Variants in MACROD2 observed in about 807,000 individuals in gnomAD.
MACROD2 encodes the protein mono-ADP ribosylhydrolase 2.
In MACROD2, 36 loss-of-function variants were observed where a neutral mutation model predicts 70.4. The observed-to-expected ratio is 0.51, with a 90% CI of 0.39 to 0.68. The LOEUF is 0.68. MACROD2 is among the 30% of genes least tolerant of loss of function. The probability of loss-of-function intolerance (pLI) is 0.00; values close to 1 mark genes in which losing one functional copy is unlikely to be tolerated. For missense variants in MACROD2, 496 were observed against 538.4 expected, an observed-to-expected ratio of 0.92 and a Z score of 0.78; for synonymous variants, 172 against 178.8, an observed-to-expected ratio of 0.96 and a Z score of 0.30.
intron 6 of MACROD2, among the ~76,000 whole-genome samples, chr20:15,290,547 A>G (rs1409546819): frequency 6.6e-6 from 1 of 152,204 alleles, no homozygotes; most frequent in Non-Finnish European, 1.5e-5. Context: ...ACTCAGGATT[A>G]TGGATCCATA....
chr20:15,039,432 C>T (rs1348674728), intron 5 of MACROD2, among the ~76,000 whole-genome samples: 1 of 152,078 alleles, frequency 6.6e-6, no homozygotes, highest in Non-Finnish European at 1.5e-5. Context: ...TTCTATGACA[C>T]ACCTTGGTGG....
At chr20:14,599,764 A>G (rs1021606513) in intron 4 of MACROD2, among the ~76,000 whole-genome samples, 1 of 152,132 alleles carries the variant, frequency 6.6e-6, no homozygotes, top group Non-Finnish European at 1.5e-5. Context: ...GACAGAAGTA[A>G]TGGGAAGGTG....
chr20:14,856,668 A>G (rs2073258487), intron 5 of MACROD2, among the ~76,000 whole-genome samples: 1 of 152,166 alleles, frequency 6.6e-6, no homozygotes, highest in Admixed American at 6.5e-5. Flanking sequence ...GTGAAAATAC[A>G]GATTCAGATT....
intron 3 of MACROD2, among the ~76,000 whole-genome samples, chr20:14,360,194 A>G (rs1036677643): frequency 7.2e-5 from 11 of 152,102 alleles, no homozygotes; most frequent in East Asian, 5.8e-4. Flanking sequence ...CAAGAGATCT[A>G]TTGTACTGTG....
chr20:14,085,770 ATTATTT>A, intron 3 of MACROD2, 42 bp downstream of exon 3: 1 of 1,157,918 alleles, frequency 8.6e-7, no homozygotes, highest in Non-Finnish European at 1.2e-6. Context: ...TTATGTAAGT[ATTATTT>A]CAAAATTTTT....
At chr20:15,428,507 G>A (rs1429049648) in intron 6 of MACROD2, among the ~76,000 whole-genome samples, 1 of 152,136 alleles carries the variant, frequency 6.6e-6, no homozygotes, top group Non-Finnish European at 1.5e-5. Context: ...TAGAAGAAAA[G>A]TGTCATTCTT....
intron 5 of MACROD2, among the ~76,000 whole-genome samples, chr20:14,925,654 C>G (rs1484870633): frequency 6.6e-6 from 1 of 152,188 alleles, no homozygotes; most frequent in Non-Finnish European, 1.5e-5. Context: ...AAACCTTGGT[C>G]ATTCAGATAT....
At chr20:14,984,989 C>A (rs2074835645) in intron 5 of MACROD2, among the ~76,000 whole-genome samples, 1 of 152,158 alleles carries the variant, frequency 6.6e-6, no homozygotes, top group Non-Finnish European at 1.5e-5. Flanking sequence ...TAGCAAGTCA[C>A]CTTTAAATGA....
intron 3 of MACROD2, among the ~76,000 whole-genome samples, chr20:14,435,179 C>T (rs959374686): frequency 3.3e-5 from 5 of 152,238 alleles, no homozygotes; most frequent in Admixed American, 1.3e-4. Flanking sequence ...TGGTGGCTTT[C>T]GGAATTCCTT....
intron 3 of MACROD2, among the ~76,000 whole-genome samples, chr20:14,236,110 T>G (rs1601385035): frequency 6.6e-6 from 1 of 152,258 alleles, no homozygotes; most frequent in South Asian, 2.1e-4. Context: ...ATATTATATG[T>G]TTTTTTAAAT....
chr20:15,248,108 G>T (rs1025767189), intron 6 of MACROD2, among the ~76,000 whole-genome samples: 9 of 152,166 alleles, frequency 5.9e-5, no homozygotes, highest in Admixed American at 5.2e-4. Context: ...CTCCTCTCTT[G>T]TTTAAATGTG....
intron 6 of MACROD2, among the ~76,000 whole-genome samples, chr20:15,329,655 G>A (rs376869980): frequency 6.6e-6 from 1 of 152,012 alleles, no homozygotes; most frequent in Admixed American, 6.6e-5. Flanking sequence ...ATCTTGAAGT[G>A]AATTCACAAA....
chr20:14,974,509 C>T (rs1296214401), intron 5 of MACROD2, among the ~76,000 whole-genome samples: 1 of 152,058 alleles, frequency 6.6e-6, no homozygotes, highest in Non-Finnish European at 1.5e-5. Context: ...AAGGATAGTG[C>T]AGTATCCTAG....
At chr20:14,826,353 A>C (rs568026181) in intron 5 of MACROD2, among the ~76,000 whole-genome samples, 1 of 152,116 alleles carries the variant, frequency 6.6e-6, no homozygotes, top group African/African-American at 2.4e-5. Flanking sequence ...TCCTCATTGT[A>C]TATCAGGCTA....
chr20:14,009,303 T>G (rs2052864780), intron 2 of MACROD2, among the ~76,000 whole-genome samples: 1 of 152,142 alleles, frequency 6.6e-6, no homozygotes, highest in African/African-American at 2.4e-5. Context: ...ACAAAGGACA[T>G]GAACAGGCAC....
chr20:15,600,848 A>G (rs975683625), intron 8 of MACROD2, among the ~76,000 whole-genome samples: 1 of 152,204 alleles, frequency 6.6e-6, no homozygotes, highest in African/African-American at 2.4e-5. Context: ...TATATATATT[A>G]TTGCTAGAAA....
chr20:14,197,332 G>A (rs1051795168), intron 3 of MACROD2, among the ~76,000 whole-genome samples: 1 of 152,188 alleles, frequency 6.6e-6, no homozygotes, highest in African/African-American at 2.4e-5. Flanking sequence ...AATTGATAAA[G>A]CAGAGGAGTT....
chr20:14,011,249 G>T (rs918265904), intron 2 of MACROD2, among the ~76,000 whole-genome samples: 1 of 152,084 alleles, frequency 6.6e-6, no homozygotes, highest in African/African-American at 2.4e-5. Context: ...GGAGCACAGC[G>T]TCTCATTATC....
rs527691183 is a variant in MACROD2 at position 14,485,239 on chromosome 20, T to G, written c.272-8240T>G. On this transcript the variant is annotated intron_variant, in intron 3 of 17. Transcript: ENST00000684519. ...ACAGCAAAACTGGAAACAATGTAAG[T>G]GCCCATCAGTAATGGGAGTAGTTTT... 2.6e-5 allele frequency among the ~76,000 whole-genome samples: 4 copies of G among 152,332 alleles called. No homozygotes were observed. The South Asian group carries it at 8.3e-4, about 32-fold the overall frequency.
Sources: gnomAD v4.1 joint callset for allele counts (sites outside exome capture counted in the v4.1 genomes callset) on GRCh38, gnomAD v4.1.1 for gene constraint, MANE v1.5 for transcripts, NCBI Gene and HGNC (gene_info 2026-07-23, HGNC 2026-07-21) for gene names.